Variants in ALKBH8 observed in about 807,000 individuals in gnomAD.
The protein encoded by ALKBH8 is tRNA (carboxymethyluridine(34)-5-O)-methyltransferase ALKBH8.
ALKBH8 carries 36 observed loss-of-function variants against 59.8 expected under a neutral mutation model. The ratio of observed to expected loss-of-function variants is 0.60; its 90% CI spans 0.46 to 0.79. The LOEUF (loss-of-function observed/expected upper bound fraction) is 0.79. Among genes scored for constraint, ALKBH8 ranks in the 30% least tolerant of loss-of-function variants. The pLI is 0.00. For missense variants in ALKBH8, 768 were observed against 801.0 expected (o/e 0.96, Z 0.50); for synonymous variants, 276 against 273.6 (o/e 1.01, Z -0.09).
At chr11:107,517,691 T>C (rs150902654) in intron 10 of ALKBH8, among the ~76,000 whole-genome samples, 2 of 152,276 alleles carry the variant, frequency 1.3e-5, no homozygotes, top group East Asian at 3.9e-4. Context: ...ATCTCACTCA[T>C]ACTTGGAATC....
chr11:107,553,927 A>C lies in ALKBH8; in HGVS notation c.419T>G (p.Val140Gly). The C allele has an allele frequency of 1.2e-6, 2 of 1,613,782 alleles. No homozygotes were observed. The highest frequency in any genetic ancestry group is 1.7e-6 in the Non-Finnish European group (2 of 1,179,740). The change falls in exon 4 of 12, where the codon GTA (valine) becomes GGA (glycine). Residue 140 changes from valine to glycine, a missense_variant. Transcript: ENST00000428149. ...PQALPPGLMV[V>G]EEIISSEEEK... The stretch of plus-strand genomic sequence containing the variant: ...CTCCTCAGAAGAAATTATTTCTTCT[A>C]CTACCATGAGTCCTGGTGGTAAGGC...
At chr11:107,545,782 C>T (rs1329440462) in intron 7 of ALKBH8, among the ~76,000 whole-genome samples, 12 of 152,068 alleles carry the variant, frequency 7.9e-5, no homozygotes, top group African/African-American at 2.9e-4. Flanking sequence ...CAATGCAAAC[C>T]CAAAACTAAT....
intron 8 of ALKBH8, among the ~76,000 whole-genome samples, chr11:107,529,877 G>A (rs1210407799): frequency 6.6e-6 from 1 of 152,084 alleles, no homozygotes; most frequent in African/African-American, 2.4e-5. Context: ...AAAAACAATA[G>A]TACAAGCACA....
intron 8 of ALKBH8, among the ~76,000 whole-genome samples, chr11:107,526,224 C>G (rs866447020): frequency 1.3e-5 from 2 of 151,914 alleles, no homozygotes; most frequent in African/African-American, 4.8e-5. Flanking sequence ...TGTTACACTC[C>G]AACCGGCAAT....
intron 7 of ALKBH8, among the ~76,000 whole-genome samples, chr11:107,544,862 A>AC (rs1864185846): frequency 7.3e-6 from 1 of 136,128 alleles, no homozygotes. Context: ...CACACACACA[A>AC]AGAAGGAGAA....
chr11:107,523,395 T>C (rs1171299281), intron 9 of ALKBH8, among the ~76,000 whole-genome samples: 3 of 151,572 alleles, frequency 2.0e-5, no homozygotes, highest in Non-Finnish European at 2.9e-5. Flanking sequence ...ATATGGAATC[T>C]AAAAAAAAGC....
At chr11:107,545,063 T>C (rs1053103097) in intron 7 of ALKBH8, among the ~76,000 whole-genome samples, 3 of 152,002 alleles carry the variant, frequency 2.0e-5, no homozygotes, top group Non-Finnish European at 2.9e-5. Flanking sequence ...AAGAATAAAG[T>C]ATGGGGCCTG....
At position 107,511,173 on chromosome 11, in the gene ALKBH8, C is replaced by T. The variant is rs1439998273; in HGVS notation, c.1288-137G>A. ...AAATGGTCTGAGACCATGATACTAT[C>T]GGTTCTTACAGCCAGTATAAAATCA... On this transcript the variant is annotated intron_variant, in intron 10 of 11. Coordinates refer to ENST00000428149, the MANE Select transcript of ALKBH8 (RefSeq NM_138775.3). The T allele has an allele frequency of 2.9e-5, 25 of 853,718 alleles. No homozygotes were observed. The East Asian group carries it at 4.8e-4, about 16-fold the overall frequency. 52.9% of individuals were successfully genotyped at this position (853,718 alleles called of 1,614,324 possible).
intron 6 of ALKBH8, among the ~76,000 whole-genome samples, chr11:107,551,029 G>A (rs189590920): frequency 1.3e-5 from 2 of 152,324 alleles, no homozygotes; most frequent in Admixed American, 1.3e-4. Flanking sequence ...TGAAGATGCT[G>A]CTAACAAGTA....
At chr11:107,506,023 A>G (rs1335895723) in intron 11 of ALKBH8, among the ~76,000 whole-genome samples, 1 of 152,210 alleles carries the variant, frequency 6.6e-6, no homozygotes, top group East Asian at 1.9e-4. Flanking sequence ...AAATTCCAAG[A>G]AACTCAGCAG....
chr11:107,546,529 A>T (rs1179289663), intron 7 of ALKBH8, among the ~76,000 whole-genome samples: 1 of 152,130 alleles, frequency 6.6e-6, no homozygotes, highest in Non-Finnish European at 1.5e-5. Flanking sequence ...GGGAGCACTG[A>T]GTATTTGAGA....
At chr11:107,559,203 G>A (rs186309354) in intron 2 of ALKBH8, among the ~76,000 whole-genome samples, 1 of 152,200 alleles carries the variant, frequency 6.6e-6, no homozygotes, top group Non-Finnish European at 1.5e-5. Context: ...TGGAACTGTG[G>A]GTTCATTAAA....
chr11:107,522,158 A>T (rs1039121371), intron 10 of ALKBH8, 141 bp downstream of exon 10: 4 of 1,065,442 alleles, frequency 3.8e-6, no homozygotes, highest in East Asian at 2.7e-5. Context: ...AAGAAAGAAT[A>T]AAAAAAATCA....
chr11:107,514,036 A>G (rs1296928962), intron 10 of ALKBH8, among the ~76,000 whole-genome samples: 1 of 152,058 alleles, frequency 6.6e-6, no homozygotes, highest in Non-Finnish European at 1.5e-5. Flanking sequence ...GTACGCTTGA[A>G]CCTAAAATAA....
chr11:107,522,567 A>C lies in ALKBH8; in HGVS notation c.1031-12T>G, dbSNP rs1356616046. On this transcript the variant is annotated splice_polypyrimidine_tract_variant and intron_variant, in intron 9 of 11. Transcript: ENST00000428149. ...GACCAACGGGTAACCTTAATGAAAAAGCAATACACACCTTTCCTTTTTATC... is the reference window on the plus strand; with the variant it reads ...GACCAACGGGTAACCTTAATGAAAACGCAATACACACCTTTCCTTTTTATC... 2 of 1,549,200 alleles carry C rather than the reference A, an allele frequency of 1.3e-6. No homozygotes were observed. The highest frequency in any genetic ancestry group is 2.0e-5 in the Admixed American group (1 of 50,610).
At chr11:107,510,861 T>G (rs908665539) in intron 11 of ALKBH8, 26 bp downstream of exon 11, 12 of 1,548,346 alleles carry the variant, frequency 7.8e-6, no homozygotes, top group African/African-American at 1.4e-5. Context: ...CTACAAGTTC[T>G]TAAGAGAAAG....
intron 10 of ALKBH8, among the ~76,000 whole-genome samples, chr11:107,515,326 A>G (rs1419768270): frequency 6.6e-6 from 1 of 152,212 alleles, no homozygotes; most frequent in Non-Finnish European, 1.5e-5. Flanking sequence ...GGTGAAGATC[A>G]ATGACATTAA....
At position 107,551,920 on chromosome 11, in the gene ALKBH8, G is replaced by A; in HGVS notation, c.596-8C>T. The A allele has an allele frequency of 7.0e-7, 1 of 1,432,410 alleles. No homozygotes were observed. The highest frequency in any genetic ancestry group is 1.5e-5 in the South Asian group (1 of 65,188). The allele number at this position is 1,432,410 out of a possible 1,614,324, so 88.7% of individuals were successfully genotyped here. ...CACAAATGTCAGGAAGACCTACAATGAGTAATCATAAAGACAAAACATTAA... is the reference window on the plus strand; with the variant it reads ...CACAAATGTCAGGAAGACCTACAATAAGTAATCATAAAGACAAAACATTAA... On this transcript the variant is annotated splice_region_variant and splice_polypyrimidine_tract_variant and intron_variant, in intron 5 of 11. Transcript: ENST00000428149.
intron 8 of ALKBH8, among the ~76,000 whole-genome samples, chr11:107,530,795 A>T (rs1178042481): frequency 6.6e-6 from 1 of 152,140 alleles, no homozygotes; most frequent in East Asian, 1.9e-4. Context: ...TCCAGAGACA[A>T]CTCTATTAAC....
Sources: gnomAD v4.1 joint callset for allele counts (sites outside exome capture counted in the v4.1 genomes callset) on GRCh38, gnomAD v4.1.1 for gene constraint, MANE v1.5 for transcripts, NCBI Gene and HGNC (gene_info 2026-07-23, HGNC 2026-07-21) for gene names.